Variants in DOK5 observed in about 807,000 individuals in gnomAD.
DOK5 encodes the protein docking protein 5.
DOK5 carries 27 observed loss-of-function variants against 43.3 expected under a neutral mutation model. That is an observed-to-expected ratio of 0.62 (90% CI 0.46 to 0.86). The LOEUF (loss-of-function observed/expected upper bound fraction) is 0.86, where lower values mean the gene tolerates loss of function less well. DOK5 is among the 40% of genes least tolerant of loss of function. The probability of loss-of-function intolerance (pLI) is 0.00; values close to 1 mark genes in which losing one functional copy is unlikely to be tolerated. For synonymous variants in DOK5, 146 were observed against 140.1 expected (o/e 1.04, Z -0.30); for missense variants, 373 against 392.9 (o/e 0.95, Z 0.43).
At position 54,508,247 on chromosome 20, in the gene DOK5, C is replaced by T. The variant is rs576312615; in HGVS notation, c.66+32235C>T. Among the ~76,000 whole-genome samples the T allele has an allele frequency of 2.0e-5, 3 of 152,020 alleles. No individual in the cohort carries two copies. The South Asian group carries it at 6.2e-4, about 32-fold the overall frequency. ...GTTTATTTCCTATACATGTGCACTG[C>T]TATCAAACCATGTATTGCAGTGTTA... On this transcript the variant is annotated intron_variant, in intron 1 of 7. Transcript: ENST00000262593.
chr20:54,491,188 T>G (rs767590558), intron 1 of DOK5, among the ~76,000 whole-genome samples: 1 of 152,268 alleles, frequency 6.6e-6, no homozygotes, highest in Non-Finnish European at 1.5e-5. Context: ...TGCTTGTTTC[T>G]TCTAGTAACC....
At chr20:54,552,399 A>T (rs1438575417) in intron 1 of DOK5, among the ~76,000 whole-genome samples, 2 of 152,034 alleles carry the variant, frequency 1.3e-5, no homozygotes, top group South Asian at 2.1e-4. Context: ...GACAGATAAT[A>T]TATGTATTAT....
At chr20:54,610,120 C>G (rs894438210) in intron 5 of DOK5, among the ~76,000 whole-genome samples, 1 of 152,094 alleles carries the variant, frequency 6.6e-6, no homozygotes, top group Non-Finnish European at 1.5e-5. Flanking sequence ...AATCAAGAAA[C>G]AGCTTTTTTT....
chr20:54,586,891 G>A (rs983754589), intron 2 of DOK5, among the ~76,000 whole-genome samples: 4 of 151,872 alleles, frequency 2.6e-5, no homozygotes, highest in African/African-American at 4.8e-5. Context: ...AGATAGCGTG[G>A]GCAAGACCAC....
At chr20:54,540,008 A>G (rs1984094681) in intron 1 of DOK5, among the ~76,000 whole-genome samples, 1 of 152,216 alleles carries the variant, frequency 6.6e-6, no homozygotes. Flanking sequence ...TGAGTGAAGT[A>G]GGAAGTGGTG....
At chr20:54,543,031 T>C (rs1407638758) in intron 1 of DOK5, among the ~76,000 whole-genome samples, 1 of 151,846 alleles carries the variant, frequency 6.6e-6, no homozygotes, top group African/African-American at 2.4e-5. Flanking sequence ...TAGAGTAGAG[T>C]CCCTTGCAGA....
At chr20:54,527,047 A>T (rs1983601393) in intron 1 of DOK5, among the ~76,000 whole-genome samples, 1 of 152,198 alleles carries the variant, frequency 6.6e-6, no homozygotes, top group Non-Finnish European at 1.5e-5. Flanking sequence ...TACTGAGATA[A>T]TTGTAGTTTT....
intron 2 of DOK5, among the ~76,000 whole-genome samples, chr20:54,576,612 G>T (rs1985460811): frequency 6.6e-6 from 1 of 152,190 alleles, no homozygotes; most frequent in Admixed American, 6.5e-5. Flanking sequence ...CTGAACTGCG[G>T]TCTTGAGATT....
chr20:54,617,885 C>T (rs1986863509), intron 6 of DOK5, among the ~76,000 whole-genome samples: 1 of 152,216 alleles, frequency 6.6e-6, no homozygotes, highest in Non-Finnish European at 1.5e-5. Context: ...ATAATAGCCA[C>T]TGTTATTTTT....
chr20:54,576,681 G>A (rs979058480), intron 2 of DOK5, among the ~76,000 whole-genome samples: 1 of 152,156 alleles, frequency 6.6e-6, no homozygotes, highest in Admixed American at 6.5e-5. Flanking sequence ...CCTATGCTGT[G>A]TGTCTTAAAT....
intron 6 of DOK5, among the ~76,000 whole-genome samples, chr20:54,632,191 A>G (rs73280929): frequency 0.011 from 1,686 of 152,276 alleles, 38 homozygotes; most frequent in African/African-American, 0.039. Context: ...TGCCTATAGT[A>G]ACATCTTAAC....
chr20:54,601,137 T>A (rs1052477885), intron 5 of DOK5, among the ~76,000 whole-genome samples: 22 of 152,240 alleles, frequency 1.4e-4, no homozygotes, highest in African/African-American at 5.3e-4. Context: ...CAGCTAAGAC[T>A]GCAGAGAAAG....
intron 1 of DOK5, among the ~76,000 whole-genome samples, chr20:54,522,510 T>TTTTC (rs1196512496): frequency 2.6e-5 from 4 of 151,390 alleles, no homozygotes; most frequent in African/African-American, 7.3e-5. Context: ...TTCTTTTTCT[T>TTTTC]TTTCTTTCTT....
chr20:54,501,784 C>A (rs1205354897), intron 1 of DOK5, among the ~76,000 whole-genome samples: 2 of 152,176 alleles, frequency 1.3e-5, no homozygotes, highest in Non-Finnish European at 2.9e-5. Flanking sequence ...CAATGGTGAG[C>A]TGTGCTGTGT....
intron 6 of DOK5, among the ~76,000 whole-genome samples, chr20:54,628,445 A>G (rs1966178): frequency 1.7e-5 from 2 of 114,356 alleles, no homozygotes; most frequent in East Asian, 4.3e-4. Flanking sequence ...AAAAAAAAAA[A>G]GAATTCATTC....
chr20:54,622,441 T>C (rs930536769), intron 6 of DOK5, among the ~76,000 whole-genome samples: 1 of 152,088 alleles, frequency 6.6e-6, no homozygotes, highest in Non-Finnish European at 1.5e-5. Flanking sequence ...CGTGCAGGGG[T>C]GTGTTTTAAT....
chr20:54,571,709 T>G (rs753190541), intron 2 of DOK5, among the ~76,000 whole-genome samples: 2 of 152,206 alleles, frequency 1.3e-5, no homozygotes, highest in African/African-American at 2.4e-5. Context: ...TAAATATGAC[T>G]GTTCCATTTG....
chr20:54,644,543 A>G (rs1227672398), intron 7 of DOK5, among the ~76,000 whole-genome samples: 2 of 112,082 alleles, frequency 1.8e-5, no homozygotes, highest in African/African-American at 5.4e-5. Context: ...TCTCTACTAA[A>G]AAACACAAAA....
At chr20:54,476,805 C>T (rs1981446091) in intron 1 of DOK5, among the ~76,000 whole-genome samples, 1 of 152,290 alleles carries the variant, frequency 6.6e-6, no homozygotes, top group Admixed American at 6.5e-5. Context: ...CTCTCTTTCG[C>T]CCCTTTCTCT....
Sources: allele counts gnomAD v4.1 joint callset (sites outside exome capture counted in the v4.1 genomes callset), GRCh38; gene constraint gnomAD v4.1.1; transcripts MANE v1.5; gene names NCBI Gene and HGNC (gene_info 2026-07-23, HGNC 2026-07-21).